CUEDC1: variants seen among roughly 807,000 people sequenced by gnomAD.
CUEDC1 encodes CUE domain-containing protein 1.
A neutral mutation model predicts 43.7 loss-of-function variants in CUEDC1; 30 were observed. That is an observed-to-expected ratio of 0.69 (90% CI 0.51 to 0.93). CUEDC1 has a LOEUF of 0.93. CUEDC1 is among the 40% of genes least tolerant of loss of function. The pLI is 0.00. For synonymous variants in CUEDC1, 223 were observed against 223.6 expected, an observed-to-expected ratio of 1.00 and a Z score of 0.02; for missense variants, 486 against 549.0, an observed-to-expected ratio of 0.89 and a Z score of 1.15.
At chr17:57,946,503 T>C (rs1176209066) in intron 1 of CUEDC1, among the ~76,000 whole-genome samples, 2 of 151,496 alleles carry the variant, frequency 1.3e-5, no homozygotes, top group Non-Finnish European at 2.9e-5. Context: ...TCCACCAACA[T>C]GCAAAGGTCT....
At chr17:57,867,323 G>A (rs772201837) in intron 9 of CUEDC1, 34 bp downstream of exon 9, 1 of 1,543,894 alleles carries the variant, frequency 6.5e-7, no homozygotes, top group South Asian at 1.2e-5. Flanking sequence ...CGATCATAGA[G>A]AAGTTGGAGC....
intron 4 of CUEDC1, among the ~76,000 whole-genome samples, chr17:57,873,234 G>A (rs550204733): frequency 4.1e-4 from 62 of 152,270 alleles, no homozygotes; most frequent in African/African-American, 1.5e-3. Context: ...GGCACCTTGG[G>A]GCATGCCAAC....
intron 1 of CUEDC1, among the ~76,000 whole-genome samples, chr17:57,939,946 C>T (rs939670223): frequency 6.6e-5 from 10 of 151,976 alleles, no homozygotes; most frequent in African/African-American, 2.4e-4. Context: ...CCCCCACACA[C>T]CCCCGGCACT....
At position 57,862,138 on chromosome 17, in the gene CUEDC1, C is replaced by T. The variant is rs1207790277; in HGVS notation, c.*1151G>A. ...CCTCGTGCCTGCCCAGGCTTCCCGG[C>T]TCTCCGGAAGGTCTGCGCGCTCCCA... On this transcript the variant is annotated 3_prime_UTR_variant, in exon 11 of 11. Transcript: ENST00000577830. 6.6e-6 allele frequency: 1 copy of T among 152,308 alleles called. No homozygotes were observed. Among genetic ancestry groups the T allele is most frequent in the African/African-American group, 2.4e-5 (1 of 41,472 alleles). 9.4% of individuals were successfully genotyped at this position (152,308 alleles called of 1,614,324 possible).
At chr17:57,866,610 G>T in intron 9 of CUEDC1, 66 bp from the exon 10 acceptor site, 1 of 1,535,268 alleles carries the variant, frequency 6.5e-7, no homozygotes, top group South Asian at 1.1e-5. Flanking sequence ...ACGGCCCCTA[G>T]ACTGGGCAAG....
At chr17:57,897,992 G>A (rs528325015) in intron 1 of CUEDC1, among the ~76,000 whole-genome samples, 42 of 152,316 alleles carry the variant, frequency 2.8e-4, no homozygotes, top group African/African-American at 7.2e-4. Flanking sequence ...CAGCCTGGGC[G>A]ACAGTGCGAG....
intron 1 of CUEDC1, among the ~76,000 whole-genome samples, chr17:57,890,333 A>G (rs920534416): frequency 2.0e-5 from 3 of 152,236 alleles, no homozygotes; most frequent in Non-Finnish European, 2.9e-5. Flanking sequence ...CATGGTAGCA[A>G]GGTCTCTTGG....
At chr17:57,928,141 C>T (rs113815760) in intron 1 of CUEDC1, among the ~76,000 whole-genome samples, 59 of 152,340 alleles carry the variant, frequency 3.9e-4, no homozygotes, top group African/African-American at 1.4e-3. Context: ...TATGGAACCC[C>T]TCGTCCCAAA....
intron 6 of CUEDC1, among the ~76,000 whole-genome samples, chr17:57,870,468 T>C (rs2074018550): frequency 6.6e-6 from 1 of 152,262 alleles, no homozygotes; most frequent in African/African-American, 2.4e-5. Flanking sequence ...TCTCCAGCTA[T>C]GTCATGAATG....
At chr17:57,869,250 C>T (rs1376774739) in intron 6 of CUEDC1, 57 bp from the exon 7 acceptor site, 6 of 1,469,028 alleles carry the variant, frequency 4.1e-6, no homozygotes, top group African/African-American at 1.4e-5. Context: ...GCCGCTGTCC[C>T]AGCCCTACCC....
intron 1 of CUEDC1, among the ~76,000 whole-genome samples, chr17:57,905,249 GACACACACACAC>G (rs761744709): frequency 2.0e-4 from 25 of 128,012 alleles, no homozygotes; most frequent in South Asian, 2.8e-4. Context: ...CTCTCTCTCT[GACACACACACAC>G]ACACACACAC....
intron 1 of CUEDC1, among the ~76,000 whole-genome samples, chr17:57,916,904 A>G (rs1487910126): frequency 6.6e-6 from 1 of 152,198 alleles, no homozygotes; most frequent in Non-Finnish European, 1.5e-5. Flanking sequence ...GGAGGGGGTC[A>G]AGGGAGTAAC....
intron 1 of CUEDC1, among the ~76,000 whole-genome samples, chr17:57,917,133 G>A (rs1431337413): frequency 1.3e-5 from 2 of 152,214 alleles, no homozygotes; most frequent in African/African-American, 2.4e-5. Context: ...GTCCCACTAG[G>A]TCCCTGAGGT....
Position 57,866,487 on chromosome 17 carries a change from T to G in CUEDC1, c.1151A>C (p.Glu384Ala), listed in dbSNP as rs868771359. The stretch of plus-strand genomic sequence containing the variant: ...TCCAGGCCTTACCTCTTACTGTCCT[T>G]CTCGCAGGCCTTCCTCCACCTTGGG... ...EAPKVEEGLR[E>A]GQ The change falls in exon 10 of 11, where the codon GAA becomes GCA. Residue 384 changes from glutamate to alanine, a missense_variant. Physicochemically the swap from Glu to Ala is moderately radical, Grantham distance 107. Transcript: ENST00000577830. 6.2e-7 allele frequency: 1 copy of G among 1,614,048 alleles called. No individual in the cohort carries two copies. The highest frequency in any genetic ancestry group is 1.3e-5 in the African/African-American group (1 of 75,044).
At chr17:57,934,563 A>ACTCT (rs1448829971) in intron 1 of CUEDC1, among the ~76,000 whole-genome samples, 3 of 123,524 alleles carry the variant, frequency 2.4e-5, no homozygotes, top group Non-Finnish European at 4.7e-5. Context: ...TCTCTCTAAA[A>ACTCT]AAAAAAAAAA....
intron 1 of CUEDC1, among the ~76,000 whole-genome samples, chr17:57,911,476 C>T (rs1006124039): frequency 3.2e-4 from 48 of 152,254 alleles, no homozygotes; most frequent in African/African-American, 1.2e-3. Flanking sequence ...GCTGGCTCTC[C>T]TTCATCCTAC....
chr17:57,873,077 C>T (rs1436045249), intron 4 of CUEDC1, among the ~76,000 whole-genome samples: 1 of 152,212 alleles, frequency 6.6e-6, no homozygotes, highest in Non-Finnish European at 1.5e-5. Flanking sequence ...ATTTTTCCCC[C>T]ACGCCACAGA....
intron 1 of CUEDC1, chr17:57,912,223 C>T (rs538294387): frequency 6.6e-6 from 1 of 152,362 alleles, no homozygotes; most frequent in East Asian, 1.9e-4. Flanking sequence ...CAGTCACACC[C>T]TCGTGTAACC....
chr17:57,869,378 C>G (rs1455953945), intron 6 of CUEDC1, among the ~76,000 whole-genome samples, 185 bp from the exon 7 acceptor site: 3 of 152,182 alleles, frequency 2.0e-5, no homozygotes, highest in African/African-American at 7.2e-5. Flanking sequence ...GACTTTGTTT[C>G]CTCCTCTGTA....
Sources: gnomAD v4.1 joint callset for allele counts (sites outside exome capture counted in the v4.1 genomes callset) on GRCh38, gnomAD v4.1.1 for gene constraint, MANE v1.5 for transcripts, NCBI Gene and HGNC (gene_info 2026-07-23, HGNC 2026-07-21) for gene names.